CCDC152: variants seen among roughly 807,000 people sequenced by gnomAD.
CCDC152 encodes coiled-coil domain-containing protein 152.
CCDC152 carries 37 observed loss-of-function variants against 38.1 expected under a neutral mutation model. That is an observed-to-expected ratio of 0.97 (90% CI 0.75 to 1.28). The LOEUF is 1.28. Ranked by LOEUF, CCDC152 falls within the 50% of genes most tolerant of loss-of-function variation. The probability of loss-of-function intolerance (pLI) is 0.00; values close to 1 mark genes in which losing one functional copy is unlikely to be tolerated. For synonymous variants in CCDC152, 83 were observed against 87.1 expected (o/e 0.95, Z 0.26); for missense variants, 259 against 292.1 (o/e 0.89, Z 0.83).
chr5:42,791,340 A>T (rs1759997431), intron 6 of CCDC152, among the ~76,000 whole-genome samples: 1 of 152,202 alleles, frequency 6.6e-6, no homozygotes, highest in Non-Finnish European at 1.5e-5. Context: ...AAGCACTATC[A>T]TCTGGCTTTT....
rs147565151 is a variant in CCDC152 at position 42,774,199 on chromosome 5, A to G, written c.262+4534A>G. Among the ~76,000 whole-genome samples, 5 of 152,296 alleles carry G rather than the reference A, an allele frequency of 3.3e-5. No homozygotes were observed. The East Asian group carries it at 9.7e-4, about 29-fold the overall frequency. On this transcript the variant is annotated intron_variant, in intron 4 of 8. Transcript: ENST00000361970. ...ACCTCCCTGTTTGTCAGGCTAGGAA[A>G]CCCTAAAATGTAATTTTGATGAATT...
At position 42,796,817 on chromosome 5, in the gene CCDC152, C is replaced by T. The variant is rs1760082066; in HGVS notation, c.431-12C>T. 1.5e-6 allele frequency: 2 copies of T among 1,364,064 alleles called. No homozygotes were observed. The highest frequency in any genetic ancestry group is 3.4e-5 in the Admixed American group (1 of 29,510). 84.5% of individuals were successfully genotyped at this position (1,364,064 alleles called of 1,614,324 possible). A position where few individuals can be genotyped will look rare whatever the true frequency, so the allele number is the denominator to read the frequency against. On this transcript the variant is annotated splice_polypyrimidine_tract_variant and intron_variant, in intron 6 of 8. Coordinates refer to ENST00000361970, the MANE Select transcript of CCDC152 (RefSeq NM_001134848.2). Reference sequence around the variant, plus strand: ...TTTAACAAATGAATTTTATTTATTTCATTTTATTCAGTTGAATTAAATGAA... The same window carrying T: ...TTTAACAAATGAATTTTATTTATTTTATTTTATTCAGTTGAATTAAATGAA...
intron 3 of CCDC152, among the ~76,000 whole-genome samples, chr5:42,769,023 T>C (rs1434883481): frequency 6.6e-6 from 1 of 151,910 alleles, no homozygotes; most frequent in Non-Finnish European, 1.5e-5. Context: ...CTGAGGCAGG[T>C]GGATTACTTG....
chr5:42,783,619 G>A (rs1202584630), intron 6 of CCDC152, 43 bp downstream of exon 6: 8 of 1,004,384 alleles, frequency 8.0e-6, no homozygotes, highest in African/African-American at 1.7e-5. Context: ...TGATTCAACA[G>A]ATATAATGTG....
chr5:42,775,499 A>G (rs746965318), intron 4 of CCDC152, among the ~76,000 whole-genome samples: 11 of 152,184 alleles, frequency 7.2e-5, no homozygotes, highest in Non-Finnish European at 1.5e-4. Flanking sequence ...GAAAGTAGAA[A>G]TAAAGACTTT....
chr5:42,796,918 A>G lies in CCDC152; in HGVS notation c.520A>G (p.Lys174Glu), dbSNP rs1579724212. Reference protein sequence around the residue: ...ELNAKLRSQEKEKQNEIIKLQ... With the variant: ...ELNAKLRSQEEEKQNEIIKLQ... ...AAATGCAAAGCTAAGAAGTCAAGAA[A>G]AAGAAAAACAAAATGAAATAATCAA... Residue 174 changes from lysine to glutamate, a missense_variant, in exon 7 of 9, where the codon AAA becomes GAA. By Grantham distance (56) the Lys-to-Glu change is moderately conservative. Transcript: ENST00000361970. The G allele has an allele frequency of 5.2e-6, 8 of 1,525,544 alleles. No individual in the cohort carries two copies. Among genetic ancestry groups the G allele is most frequent in the African/African-American group, 2.8e-5 (2 of 71,390 alleles). The allele number at this position is 1,525,544 out of a possible 1,614,324, so 94.5% of individuals were successfully genotyped here. A position where few individuals can be genotyped will look rare whatever the true frequency, so the allele number is the denominator to read the frequency against.
At chr5:42,758,495 G>A (rs1489968692) in intron 1 of CCDC152, among the ~76,000 whole-genome samples, 1 of 152,136 alleles carries the variant, frequency 6.6e-6, no homozygotes, top group Non-Finnish European at 1.5e-5. Context: ...TACATCTGAA[G>A]ATGTAAACTC....
intron 6 of CCDC152, among the ~76,000 whole-genome samples, chr5:42,787,608 T>C (rs1292453175): frequency 6.6e-6 from 1 of 152,158 alleles, no homozygotes; most frequent in African/African-American, 2.4e-5. Context: ...GTTAAGTCTT[T>C]TTGTTGAATT....
intron 6 of CCDC152, among the ~76,000 whole-genome samples, chr5:42,788,220 AT>A (rs59948688): frequency 0.76 from 113,269 of 148,350 alleles, 43,348 homozygotes; most frequent in East Asian, 1. Context: ...CTTGGATGGC[AT>A]TTTTTTTTTT....
intron 4 of CCDC152, among the ~76,000 whole-genome samples, chr5:42,771,320 T>A (rs1007193302): frequency 4.6e-5 from 7 of 151,680 alleles, no homozygotes; most frequent in Non-Finnish European, 8.8e-5. Context: ...AAGGAAAAAA[T>A]ATATATATAT....
intron 3 of CCDC152, among the ~76,000 whole-genome samples, chr5:42,767,702 G>A (rs1044461645): frequency 6.6e-6 from 1 of 152,192 alleles, no homozygotes; most frequent in Non-Finnish European, 1.5e-5. Context: ...GAGCCACCTT[G>A]TGTTTAAGTT....
Position 42,799,945 on chromosome 5 carries a change from T to C in CCDC152, c.*164T>C. The C allele has an allele frequency of 1.3e-6, 1 of 762,708 alleles. No homozygotes were observed. The highest frequency in any genetic ancestry group is 2.0e-6 in the Non-Finnish European group (1 of 488,172). 47.2% of individuals were successfully genotyped at this position (762,708 alleles called of 1,614,324 possible). On this transcript the variant is annotated 3_prime_UTR_variant, in exon 9 of 9. Coordinates refer to ENST00000361970, the MANE Select transcript of CCDC152 (RefSeq NM_001134848.2). ...GTACTGTATCCAATTCTGTACTGCA[T>C]TCTTGCTTAATAGTATTAACCATAA...
In CCDC152 at chr5:42,801,126, T is replaced by C. The variant is rs767112818; in HGVS notation, c.*1345T>C. ...CTGCCTATGCTGACCCTTGTGCTTA[T>C]GGTGGTGATGAAGGCCTGGAGGAGC... On this transcript the variant is annotated 3_prime_UTR_variant, in exon 9 of 9. Coordinates refer to ENST00000361970, the MANE Select transcript of CCDC152 (RefSeq NM_001134848.2). The C allele has an allele frequency of 6.2e-7, 1 of 1,614,138 alleles. No homozygotes were observed.
At chr5:42,773,439 A>G (rs1172046045) in intron 4 of CCDC152, among the ~76,000 whole-genome samples, 1 of 152,230 alleles carries the variant, frequency 6.6e-6, no homozygotes, top group Non-Finnish European at 1.5e-5. Context: ...TATGTCACGC[A>G]TGATACACAA....
intron 5 of CCDC152, among the ~76,000 whole-genome samples, chr5:42,782,822 A>G (rs1057141475): frequency 6.6e-6 from 1 of 151,748 alleles, no homozygotes; most frequent in South Asian, 2.1e-4. Flanking sequence ...TTAAAACATC[A>G]TGTTGTACAT....
At chr5:42,757,133 G>A (rs1452371039) in intron 1 of CCDC152, among the ~76,000 whole-genome samples, 1 of 150,258 alleles carries the variant, frequency 6.7e-6, no homozygotes, top group Admixed American at 6.6e-5. Flanking sequence ...AGTGCTCTGG[G>A]TCCATACAGG....
At chr5:42,793,475 G>A (rs1023190410) in intron 6 of CCDC152, among the ~76,000 whole-genome samples, 1 of 151,916 alleles carries the variant, frequency 6.6e-6, no homozygotes, top group African/African-American at 2.4e-5. Context: ...AAAAACCTAA[G>A]CAAGCTCAAT....
At chr5:42,774,587 G>GAAAA in intron 4 of CCDC152, among the ~76,000 whole-genome samples, 1 of 152,148 alleles carries the variant, frequency 6.6e-6, no homozygotes, top group Admixed American at 6.6e-5. Context: ...CACCAAAGGG[G>GAAAA]AGAGGGACTA....
rs897087913 is a variant in CCDC152, at chr5:42,801,685, G to C, written c.*1904G>C. 3 of 279,050 alleles carry C rather than the reference G, an allele frequency of 1.1e-5. No individual in the cohort carries two copies. The highest frequency in any genetic ancestry group is 4.3e-5 in the African/African-American group (2 of 46,064). 17.3% of individuals were successfully genotyped at this position (279,050 alleles called of 1,614,324 possible). A position where few individuals can be genotyped will look rare whatever the true frequency, so the allele number is the denominator to read the frequency against. ...TAATCCCACCACTTTGGGTGGCCGAGGGGGGCAGATTACTTGGGCTCAGGA... is the reference window on the plus strand; with the variant it reads ...TAATCCCACCACTTTGGGTGGCCGACGGGGGCAGATTACTTGGGCTCAGGA... On this transcript the variant is annotated 3_prime_UTR_variant, in exon 9 of 9. Transcript: ENST00000361970.
Sources: gnomAD v4.1 joint callset for allele counts (sites outside exome capture counted in the v4.1 genomes callset) on GRCh38, gnomAD v4.1.1 for gene constraint, MANE v1.5 for transcripts, NCBI Gene and HGNC (gene_info 2026-07-23, HGNC 2026-07-21) for gene names.